The following ATP2B2 variants were observed in gnomAD, a reference collection of about 807,000 sequenced individuals.
ATP2B2 encodes the protein ATPase plasma membrane Ca2+ transporting 2, also known as plasma membrane calcium-transporting ATPase 2.
In ATP2B2, 15 loss-of-function variants were observed where a neutral mutation model predicts 120.0. The ratio of observed to expected loss-of-function variants is 0.12; its 90% CI spans 0.08 to 0.19. ATP2B2 has a LOEUF of 0.19. Ranked by LOEUF, ATP2B2 falls within the 10% of genes least tolerant of loss-of-function variation. The probability of loss-of-function intolerance (pLI) is 1.00; values close to 1 mark genes in which losing one functional copy is unlikely to be tolerated. For missense variants in ATP2B2, 1,045 were observed against 1,719.8 expected (o/e 0.61, Z 6.94); for synonymous variants, 694 against 700.3 (o/e 0.99, Z 0.14).
intron 2 of ATP2B2, among the ~76,000 whole-genome samples, chr3:10,582,646 A>G (rs974911554): frequency 3.3e-5 from 5 of 152,168 alleles, no homozygotes; most frequent in Admixed American, 2.0e-4. Context: ...TGAGAATGGA[A>G]TGAGAGGGAG....
At chr3:10,400,851 A>G in intron 5 of ATP2B2, 102 bp downstream of exon 5, 5 of 1,560,488 alleles carry the variant, frequency 3.2e-6, no homozygotes, top group Admixed American at 1.7e-5. Flanking sequence ...TACCAGAGCC[A>G]AGGATCAAAG....
chr3:10,661,205 T>C (rs1054987406), intron 1 of ATP2B2, among the ~76,000 whole-genome samples: 3 of 152,036 alleles, frequency 2.0e-5, no homozygotes, highest in Non-Finnish European at 4.4e-5. Flanking sequence ...GGATGCCCTC[T>C]CTCACCACTC....
intron 1 of ATP2B2, among the ~76,000 whole-genome samples, chr3:10,675,534 C>T (rs1047280155): frequency 2.0e-5 from 3 of 152,172 alleles, no homozygotes; most frequent in Non-Finnish European, 2.9e-5. Flanking sequence ...GCAGTCCTGG[C>T]GCCCCCATCA....
At chr3:10,684,179 C>T (rs1271740883) in intron 1 of ATP2B2, among the ~76,000 whole-genome samples, 1 of 152,150 alleles carries the variant, frequency 6.6e-6, no homozygotes, top group African/African-American at 2.4e-5. Context: ...AAAGGGATGG[C>T]ACATGACCTA....
At chr3:10,331,699 C>T (rs1446872108) in intron 22 of ATP2B2, among the ~76,000 whole-genome samples, 5 of 135,564 alleles carry the variant, frequency 3.7e-5, no homozygotes, top group Non-Finnish European at 6.3e-5. Flanking sequence ...CCCTGCCTAC[C>T]CTAAAGGTAG....
chr3:10,573,746 C>T (rs1426809036), intron 2 of ATP2B2, among the ~76,000 whole-genome samples: 2 of 152,236 alleles, frequency 1.3e-5, no homozygotes, highest in Non-Finnish European at 2.9e-5. Context: ...CTATCTACTG[C>T]TTCTTTGCTG....
intron 1 of ATP2B2, among the ~76,000 whole-genome samples, chr3:10,470,741 T>C (rs1575328311): frequency 6.6e-6 from 1 of 152,136 alleles, no homozygotes; most frequent in East Asian, 1.9e-4. Flanking sequence ...TCCAGCGTGG[T>C]GAGATTTCCA....
At chr3:10,685,103 C>T (rs2071486605) in intron 1 of ATP2B2, among the ~76,000 whole-genome samples, 1 of 152,200 alleles carries the variant, frequency 6.6e-6, no homozygotes, top group Non-Finnish European at 1.5e-5. Context: ...AGGTTCTTCT[C>T]AGAGAACATT....
At chr3:10,361,603 A>G (rs1401887641) in intron 12 of ATP2B2, among the ~76,000 whole-genome samples, 1 of 152,104 alleles carries the variant, frequency 6.6e-6, no homozygotes, top group Admixed American at 6.5e-5. Context: ...AGCACCTGTC[A>G]CTTCCTCACA....
At chr3:10,536,204 AT>A (rs1258035022) in intron 2 of ATP2B2, among the ~76,000 whole-genome samples, 3 of 151,994 alleles carry the variant, frequency 2.0e-5, no homozygotes, top group Non-Finnish European at 1.5e-5. Flanking sequence ...CCATTTTTAA[AT>A]TGGATTTTTA....
chr3:10,683,319 A>G (rs895529746), intron 1 of ATP2B2, among the ~76,000 whole-genome samples: 3 of 152,222 alleles, frequency 2.0e-5, no homozygotes, highest in South Asian at 4.2e-4. Flanking sequence ...AAAGAGGCAC[A>G]GAGGGAGGAA....
rs992130394 is a variant in ATP2B2, at chr3:10,335,980, A to G, written c.3420+2196T>C. 9 of 981,498 alleles carry G rather than the reference A, an allele frequency of 9.2e-6. No homozygotes were observed. In the Admixed American group the frequency reaches 1.3e-4, roughly 15 times the overall value. The allele number at this position is 981,498 out of a possible 1,614,324, so 60.8% of individuals were successfully genotyped here. ...ATGACTGGCTACGCTCTCCTGACCA[A>G]CGGGACCCTCTTCGGTGGCTGGGAC... On this transcript the variant is annotated intron_variant, in intron 22 of 22. Coordinates refer to ENST00000360273, the MANE Select transcript of ATP2B2 (RefSeq NM_001001331.4).
chr3:10,378,500 C>G (rs879694770), intron 9 of ATP2B2, 90 bp from the exon 10 acceptor site: 40 of 1,541,662 alleles, frequency 2.6e-5, no homozygotes, highest in African/African-American at 4.1e-5. Context: ...TGGCACCCAC[C>G]CCTGCCTGCC....
intron 2 of ATP2B2, among the ~76,000 whole-genome samples, chr3:10,592,230 T>A (rs1016663238): frequency 2.6e-5 from 4 of 152,234 alleles, no homozygotes; most frequent in African/African-American, 7.2e-5. Flanking sequence ...TACTTAATAG[T>A]ATTGAGTGAA....
At chr3:10,365,465 C>T (rs73129285) in intron 12 of ATP2B2, among the ~76,000 whole-genome samples, 2,680 of 152,248 alleles carry the variant, frequency 0.018, 77 homozygotes, top group African/African-American at 0.059. Context: ...TGGGGTCTTC[C>T]CCAGAGTGGG....
At chr3:10,631,702 C>T (rs548443463) in intron 1 of ATP2B2, among the ~76,000 whole-genome samples, 2 of 152,330 alleles carry the variant, frequency 1.3e-5, no homozygotes, top group East Asian at 1.9e-4. Context: ...GGGTTCCATA[C>T]AATGGGCTCC....
At position 10,586,879 on chromosome 3, in the gene ATP2B2, G is replaced by A. The variant is rs140519593; in HGVS notation, c.-415+33038C>T. On this transcript the variant is annotated intron_variant, in intron 2 of 21. Transcript: ENST00000646379. ...ACACCCCACTGCCCAGCTCTGCTCC[G>A]GTCCCTGCTCACATGGCACCTCCTC... is the stretch of plus-strand genomic sequence containing the variant. Among the ~76,000 whole-genome samples, 21 of 152,208 alleles carry A rather than the reference G, an allele frequency of 1.4e-4. No homozygotes were observed. The East Asian group carries it at 2.1e-3, about 15-fold the overall frequency.
At chr3:10,658,852 G>A (rs1030674287) in intron 1 of ATP2B2, among the ~76,000 whole-genome samples, 7 of 151,804 alleles carry the variant, frequency 4.6e-5, no homozygotes, top group South Asian at 2.1e-4. Flanking sequence ...GAGAAAGGTC[G>A]CGTTACCCAC....
At chr3:10,585,993 A>G (rs2125568592) in intron 2 of ATP2B2, among the ~76,000 whole-genome samples, 1 of 152,328 alleles carries the variant, frequency 6.6e-6, no homozygotes, top group African/African-American at 2.4e-5. Flanking sequence ...GTAGGTTTTC[A>G]ATAACAGTTT....
Sources: gnomAD v4.1 joint callset for allele counts (sites outside exome capture counted in the v4.1 genomes callset) on GRCh38, gnomAD v4.1.1 for gene constraint, MANE v1.5 for transcripts, NCBI Gene and HGNC (gene_info 2026-07-23, HGNC 2026-07-21) for gene names.